CNTN1: variants seen among roughly 807,000 people sequenced by gnomAD.
CNTN1 encodes contactin 1.
CNTN1 carries 38 observed loss-of-function variants against 126.4 expected under a neutral mutation model. That is an observed-to-expected ratio of 0.30 (90% CI 0.23 to 0.39). The LOEUF (loss-of-function observed/expected upper bound fraction) is 0.39. Ranked by LOEUF, CNTN1 falls within the 10% of genes least tolerant of loss-of-function variation. CNTN1 has a pLI of 1.00. For missense variants in CNTN1, 1,009 were observed against 1,248.4 expected (o/e 0.81, Z 2.89); for synonymous variants, 413 against 422.6 (o/e 0.98, Z 0.28).
At chr12:40,832,728 G>A (rs937417848) in intron 1 of CNTN1, among the ~76,000 whole-genome samples, 5 of 152,136 alleles carry the variant, frequency 3.3e-5, no homozygotes, top group African/African-American at 9.7e-5. Flanking sequence ...GATTACTGGA[G>A]TTAGTATACA....
chr12:40,857,591 A>C lies in CNTN1; in HGVS notation c.-76-50766A>C, dbSNP rs1337002131. Among the ~76,000 whole-genome samples, 3 of 152,156 alleles carry C rather than the reference A, an allele frequency of 2.0e-5. No individual in the cohort carries two copies. In the East Asian group the frequency reaches 5.8e-4, roughly 29 times the overall value. ...GAACTATGGTGCTGCTCCAGTAGAG[A>C]AATGAAGTTGCTTCCCGTGGAAAAA... On this transcript the variant is annotated intron_variant, in intron 1 of 23. Coordinates refer to ENST00000551295, the MANE Select transcript of CNTN1 (RefSeq NM_001843.4).
chr12:41,032,367 C>CAA (rs35270939), intron 23 of CNTN1, among the ~76,000 whole-genome samples: 137 of 78,256 alleles, frequency 1.8e-3, no homozygotes, highest in African/African-American at 5.1e-3. Context: ...GACTCCGTCT[C>CAA]AAAAAAAAAA....
intron 23 of CNTN1, among the ~76,000 whole-genome samples, chr12:41,031,489 G>A (rs1006987543): frequency 1.3e-5 from 2 of 152,076 alleles, no homozygotes; most frequent in Non-Finnish European, 2.9e-5. Flanking sequence ...TTAAATTTAA[G>A]TTTACATAAA....
intron 1 of CNTN1, among the ~76,000 whole-genome samples, chr12:40,816,241 G>C (rs1193431083): frequency 6.6e-6 from 1 of 152,132 alleles, no homozygotes; most frequent in African/African-American, 2.4e-5. Flanking sequence ...GCTCCTCCTT[G>C]TATTTCTGGT....
intron 12 of CNTN1, among the ~76,000 whole-genome samples, chr12:40,940,023 A>T (rs1055355433): frequency 6.6e-6 from 1 of 152,208 alleles, no homozygotes; most frequent in Admixed American, 6.6e-5. Context: ...GGACAAAATG[A>T]AAAAGCAGTG....
intron 14 of CNTN1, among the ~76,000 whole-genome samples, chr12:40,946,595 A>C (rs1299403895): frequency 6.6e-6 from 1 of 152,110 alleles, no homozygotes; most frequent in African/African-American, 2.4e-5. Context: ...TATTACAGTT[A>C]ACAAAACCAA....
chr12:41,039,824 A>G (rs1235067431), intron 23 of CNTN1, among the ~76,000 whole-genome samples: 1 of 152,114 alleles, frequency 6.6e-6, no homozygotes, highest in East Asian at 1.9e-4. Flanking sequence ...AGGATTTATT[A>G]CTTCTAGTTA....
In CNTN1 at chr12:41,053,875, G is replaced by A. The variant is rs80351409; in HGVS notation, c.2981-16084G>A. Among the ~76,000 whole-genome samples, 13 of 150,474 alleles carry A rather than the reference G, an allele frequency of 8.6e-5. No individual in the cohort carries two copies. The East Asian group carries it at 2.3e-3, about 27-fold the overall frequency. ...AAAATAAATACAGTGTACCACTAAG[G>A]CAAAAGTCCCCAAAACTCTATTGTC... On this transcript the variant is annotated intron_variant, in intron 23 of 23. Coordinates refer to ENST00000551295, the MANE Select transcript of CNTN1 (RefSeq NM_001843.4).
chr12:40,873,707 G>A (rs141517858), intron 1 of CNTN1, among the ~76,000 whole-genome samples: 8 of 152,168 alleles, frequency 5.3e-5, no homozygotes, highest in Non-Finnish European at 8.8e-5. Context: ...GTACCAATAT[G>A]TTTTAAAGGC....
At chr12:40,853,685 T>G (rs1168016956) in intron 1 of CNTN1, among the ~76,000 whole-genome samples, 1 of 151,946 alleles carries the variant, frequency 6.6e-6, no homozygotes, top group Admixed American at 6.6e-5. Flanking sequence ...CCCTATAGAC[T>G]GTAGTCTATT....
Position 40,859,730 on chromosome 12 carries a change from A to G in CNTN1, c.-76-48627A>G, listed in dbSNP as rs992318780. ...GAGATCTTACAATTCTGTTTACCAC[A>G]GGAGTGAAGGGTACAGAATTATAGT... On this transcript the variant is annotated intron_variant, in intron 1 of 23. Coordinates refer to ENST00000551295, the MANE Select transcript of CNTN1 (RefSeq NM_001843.4). Among the ~76,000 whole-genome samples the G allele has an allele frequency of 2.6e-5, 4 of 152,152 alleles. No homozygotes were observed. In the South Asian group the frequency reaches 6.2e-4, roughly 24 times the overall value.
chr12:40,771,341 T>C (rs1939328817), intron 1 of CNTN1, among the ~76,000 whole-genome samples: 1 of 152,226 alleles, frequency 6.6e-6, no homozygotes, highest in East Asian at 1.9e-4. Context: ...GAATGGTCAC[T>C]ATGTATATTT....
chr12:40,909,551 C>T (rs1944955151), intron 2 of CNTN1, among the ~76,000 whole-genome samples: 1 of 151,664 alleles, frequency 6.6e-6, no homozygotes, highest in Non-Finnish European at 1.5e-5. Flanking sequence ...ATCTGACGGG[C>T]ATCATTATTA....
At chr12:40,819,778 A>G (rs375779845) in intron 1 of CNTN1, among the ~76,000 whole-genome samples, 2 of 152,286 alleles carry the variant, frequency 1.3e-5, no homozygotes, top group East Asian at 3.9e-4. Context: ...TGGGATTGGG[A>G]CACTAGGCTC....
Position 40,936,882 on chromosome 12 carries a change from C to A in CNTN1, c.1087C>A (p.Arg363=). 1 of 1,613,058 alleles carries A rather than the reference C, an allele frequency of 6.2e-7. No homozygotes were observed. The highest frequency in any genetic ancestry group is 8.5e-7 in the Non-Finnish European group (1 of 1,179,328). ...VATGKPIPTI[R]WLKNGYAYHK... ...CACAGGAAAGCCCATCCCTACAATC[C>A]GATGGTTGAAAAATGGATATGCGGT... Residue 363 remains arginine, a synonymous_variant, in exon 10 of 24, where the codon CGA becomes AGA. Coordinates refer to ENST00000551295, the MANE Select transcript of CNTN1 (RefSeq NM_001843.4).
Position 41,070,596 on chromosome 12 carries a change from T to C in CNTN1, c.*561T>C, listed in dbSNP as rs911972439. 4 of 152,748 alleles carry C rather than the reference T, an allele frequency of 2.6e-5. No individual in the cohort carries two copies. Among genetic ancestry groups the C allele is most frequent in the Non-Finnish European group, 5.8e-5 (4 of 68,396 alleles). 9.5% of individuals were successfully genotyped at this position (152,748 alleles called of 1,614,324 possible). A position where few individuals can be genotyped will look rare whatever the true frequency, so the allele number is the denominator to read the frequency against. ...ACAAATATTTTGTCAGAAATCCCAT[T>C]ATCAAATCATGAGTTGAAAGATTTT... On this transcript the variant is annotated 3_prime_UTR_variant, in exon 24 of 24. Coordinates refer to ENST00000551295, the MANE Select transcript of CNTN1 (RefSeq NM_001843.4).
In CNTN1 at chr12:41,043,916, G is replaced by A. The variant is rs866022458; in HGVS notation, c.2980+14697G>A. ...TCGCAAGGACAAAAAACCAAACACC[G>A]CATGTTCTCACTCATAGGTGGGAAT... On this transcript the variant is annotated intron_variant, in intron 23 of 23. Transcript: ENST00000551295. 8.9e-3 allele frequency among the ~76,000 whole-genome samples: 1,247 copies of A among 140,666 alleles called. 19 individuals are homozygous for A. The highest frequency in any genetic ancestry group is 0.026 in the African/African-American group (1,007 of 38,014). 92.3% of individuals were successfully genotyped at this position (140,666 alleles called of 152,430 possible).
intron 19 of CNTN1, 143 bp downstream of exon 19, chr12:41,017,059 A>G (rs1408522622): frequency 2.9e-6 from 2 of 697,632 alleles, no homozygotes; most frequent in Non-Finnish European, 2.6e-6. Flanking sequence ...ACTATTTTGA[A>G]CCAAATTAAA....
At chr12:40,814,760 T>C (rs1202810052) in intron 1 of CNTN1, among the ~76,000 whole-genome samples, 2 of 152,326 alleles carry the variant, frequency 1.3e-5, no homozygotes, top group East Asian at 3.9e-4. Context: ...TTGATGGGGA[T>C]GGCATTGAAT....
Sources: allele counts gnomAD v4.1 joint callset (sites outside exome capture counted in the v4.1 genomes callset), GRCh38; gene constraint gnomAD v4.1.1; transcripts MANE v1.5; gene names NCBI Gene and HGNC (gene_info 2026-07-23, HGNC 2026-07-21).